Variants in PIK3C2B observed in about 807,000 individuals in gnomAD.
PIK3C2B encodes the protein phosphatidylinositol-4-phosphate 3-kinase catalytic subunit type 2 beta, also known as phosphatidylinositol 4-phosphate 3-kinase C2 domain-containing subunit beta.
PIK3C2B carries 83 observed loss-of-function variants against 184.3 expected under a neutral mutation model. That is an observed-to-expected ratio of 0.45 (90% CI 0.38 to 0.54). The LOEUF (loss-of-function observed/expected upper bound fraction) is 0.54, where lower values mean the gene tolerates loss of function less well. Among genes scored for constraint, PIK3C2B ranks in the 20% least tolerant of loss-of-function variants. The pLI is 0.00. For synonymous variants in PIK3C2B, 779 were observed against 837.6 expected (o/e 0.93, Z 1.21); for missense variants, 1,736 against 2,113.5 (o/e 0.82, Z 3.50).
Position 204,424,922 on chromosome 1 carries a change from C to G in PIK3C2B, c.4835G>C (p.Arg1612Pro), listed in dbSNP as rs752647243. The G allele has an allele frequency of 6.8e-6, 11 of 1,614,106 alleles. No homozygotes were observed. The highest frequency in any genetic ancestry group is 9.3e-6 in the Non-Finnish European group (11 of 1,180,046). ...CTTCTCCTGAGCCAGGTCCAGCTCT[C>G]GCAGGCGGATGTTCACCTCACCGAG... The part of the protein sequence containing the change: ...VLLGEVNIRL[R>P]ELDLAQEKTG... The change falls in exon 33 of 33, where the codon CGA becomes CCA. Residue 1612 changes from arginine (R) to proline (P), a missense_variant. Arg to Pro is a moderately radical substitution (Grantham distance 103, BLOSUM62 -2). Transcript: ENST00000684373.
intron 1 of PIK3C2B, chr1:204,490,166 A>G: frequency 5.3e-6 from 2 of 380,760 alleles, no homozygotes; most frequent in Non-Finnish European, 9.3e-6. Flanking sequence ...AATACTGTGA[A>G]GCCTCTGCTA....
chr1:204,471,949 G>A (rs566336683), intron 1 of PIK3C2B, among the ~76,000 whole-genome samples: 4 of 107,060 alleles, frequency 3.7e-5, no homozygotes, highest in Admixed American at 1.1e-4. Flanking sequence ...TCTTACAGGT[G>A]TGCCAAAATA....
Position 204,490,086 on chromosome 1 carries a change from G to A in PIK3C2B, c.-85+4270C>T, listed in dbSNP as rs149250821. On this transcript the variant is annotated intron_variant, in intron 1 of 32. Transcript: ENST00000684373. Reference sequence around the variant, plus strand: ...CACCCACCTCTATGGTGGAACAGTGGCAGGAGTGACACAGTCATGATGGAA... The same window carrying A: ...CACCCACCTCTATGGTGGAACAGTGACAGGAGTGACACAGTCATGATGGAA... The A allele has an allele frequency of 4.8e-4, 190 of 396,182 alleles. 2 individuals carry two copies. In the Middle Eastern group the frequency reaches 5.1e-3, roughly 11 times the overall value. The allele number at this position is 396,182 out of a possible 1,614,324, so 24.5% of individuals were successfully genotyped here. A position where few individuals can be genotyped will look rare whatever the true frequency, so the allele number is the denominator to read the frequency against.
chr1:204,426,361 C>T (rs866450305), intron 31 of PIK3C2B, among the ~76,000 whole-genome samples: 39 of 152,320 alleles, frequency 2.6e-4, no homozygotes, highest in Middle Eastern at 3.4e-3. Flanking sequence ...CTGTTTCTGA[C>T]GCACCCCTGG....
At chr1:204,452,853 T>C (rs1226275284) in intron 12 of PIK3C2B, among the ~76,000 whole-genome samples, 1 of 150,708 alleles carries the variant, frequency 6.6e-6, no homozygotes, top group Non-Finnish European at 1.5e-5. Context: ...AGATAAGGCC[T>C]CTTTGTGTTG....
At chr1:204,429,899 G>A (rs551325366) in intron 29 of PIK3C2B, 22 bp downstream of exon 29, 4 of 1,475,700 alleles carry the variant, frequency 2.7e-6, no homozygotes, top group Non-Finnish European at 3.8e-6. Context: ...GGACAGCCAG[G>A]AGGAGAGGCA....
chr1:204,468,417 G>A (rs917210151), intron 2 of PIK3C2B, among the ~76,000 whole-genome samples: 7 of 151,958 alleles, frequency 4.6e-5, no homozygotes, highest in Admixed American at 4.6e-4. Context: ...GCATTCAGTG[G>A]GCACTAAACA....
At chr1:204,477,266 A>T (rs1054400781) in intron 1 of PIK3C2B, among the ~76,000 whole-genome samples, 1 of 152,190 alleles carries the variant, frequency 6.6e-6, no homozygotes, top group African/African-American at 2.4e-5. Context: ...GAGTCCCTGG[A>T]TGCTGGATGC....
intron 12 of PIK3C2B, 146 bp downstream of exon 12, chr1:204,454,523 A>C (rs1032007313): frequency 1.4e-6 from 1 of 727,434 alleles, no homozygotes; most frequent in African/African-American, 1.8e-5. Flanking sequence ...TGGAGACTCA[A>C]GAGGTTGAAT....
In PIK3C2B at chr1:204,469,778, C is replaced by T. The variant is rs764047103; in HGVS notation, c.25G>A (p.Glu9Lys). The change falls in exon 2 of 33, where the codon GAA becomes AAA. Residue 9 changes from glutamate to lysine, a missense_variant. Physicochemically the swap from Glu to Lys is moderately conservative, Grantham distance 56. Coordinates refer to ENST00000684373, the MANE Select transcript of PIK3C2B (RefSeq NM_001377334.1). MSSTQGNG[E>K]HWKSLESVGI... ...ACTGACTCCAGGGACTTCCAGTGTTCCCCATTGCCCTGAGTCGAAGACATG... is the reference window on the plus strand; with the variant it reads ...ACTGACTCCAGGGACTTCCAGTGTTTCCCATTGCCCTGAGTCGAAGACATG... 8.1e-6 allele frequency: 13 copies of T among 1,613,548 alleles called. No homozygotes were observed. The Admixed American group carries it at 1.0e-4, about 12-fold the overall frequency.
intron 1 of PIK3C2B, chr1:204,490,108 G>T (rs1657912360): frequency 5.1e-6 from 2 of 395,240 alleles, no homozygotes; most frequent in South Asian, 1.4e-4. Context: ...CAGTCATGAT[G>T]GAAGGATAAC....
chr1:204,444,504 G>T, intron 16 of PIK3C2B, 80 bp from the exon 17 acceptor site: 1 of 976,864 alleles, frequency 1.0e-6, no homozygotes, highest in Non-Finnish European at 1.6e-6. Context: ...TCACACCTGG[G>T]CTTCAGAGGC....
intron 3 of PIK3C2B, 37 bp downstream of exon 3, chr1:204,465,182 A>G: frequency 1.1e-6 from 1 of 900,420 alleles, no homozygotes; most frequent in Non-Finnish European, 1.8e-6. Flanking sequence ...CATCCCCCAT[A>G]GCCCTCCCAA....
intron 2 of PIK3C2B, among the ~76,000 whole-genome samples, chr1:204,468,456 C>T (rs767385141): frequency 2.6e-5 from 4 of 152,142 alleles, no homozygotes; most frequent in African/African-American, 9.7e-5. Context: ...TGATCTTCAT[C>T]GCCACGCAGC....
In PIK3C2B at chr1:204,460,829, G is replaced by A. The variant is rs528185722; in HGVS notation, c.1311-168C>T. On this transcript the variant is annotated intron_variant, in intron 5 of 32. Coordinates refer to ENST00000684373, the MANE Select transcript of PIK3C2B (RefSeq NM_001377334.1). ...TAGAAAATGACACGGTAGAGCTTAG[G>A]AGAAGGAACAGAGGTCTATCTAAAC... Among the ~76,000 whole-genome samples the A allele has an allele frequency of 1.1e-4, 17 of 152,302 alleles. 1 individual carries two copies. The Middle Eastern group carries it at 0.01, about 91-fold the overall frequency.
intron 10 of PIK3C2B, 28 bp downstream of exon 10, chr1:204,457,009 G>T (rs528252850): frequency 1.9e-6 from 3 of 1,557,924 alleles, no homozygotes; most frequent in South Asian, 2.4e-5. Context: ...CAGCCCGACT[G>T]GATGAAGATG....
intron 5 of PIK3C2B, among the ~76,000 whole-genome samples, chr1:204,462,232 G>C (rs1320688425): frequency 6.6e-6 from 1 of 152,202 alleles, no homozygotes; most frequent in Non-Finnish European, 1.5e-5. Context: ...CAGGAAGGTA[G>C]AACTTGACAG....
chr1:204,429,879 C>T, intron 29 of PIK3C2B, 42 bp downstream of exon 29: 6 of 1,328,510 alleles, frequency 4.5e-6, no homozygotes, highest in Non-Finnish European at 6.5e-6. Context: ...CCAACCATCC[C>T]CACCAGCCTG....
At chr1:204,425,864 C>T in intron 31 of PIK3C2B, 123 bp from the exon 32 acceptor site, 2 of 823,060 alleles carry the variant, frequency 2.4e-6, no homozygotes, top group East Asian at 5.0e-5. Context: ...CAATGCACAA[C>T]TAATTTATTT....
Sources: allele counts gnomAD v4.1 joint callset (sites outside exome capture counted in the v4.1 genomes callset), GRCh38; gene constraint gnomAD v4.1.1; transcripts MANE v1.5; gene names NCBI Gene and HGNC (gene_info 2026-07-23, HGNC 2026-07-21).